GIMAP8: variants seen among roughly 807,000 people sequenced by gnomAD.
GIMAP8 encodes the protein GTPase IMAP family member 8.
Under a neutral mutation model 35.6 loss-of-function variants are expected in GIMAP8, and 29 were observed. The ratio of observed to expected loss-of-function variants is 0.81; its 90% CI spans 0.61 to 1.11. The LOEUF (loss-of-function observed/expected upper bound fraction) is 1.11. Among genes scored for constraint, GIMAP8 ranks in the 50% most tolerant of loss-of-function variants. The pLI is 0.00. For synonymous variants in GIMAP8, 335 were observed against 308.7 expected, an observed-to-expected ratio of 1.09 and a Z score of -0.89; for missense variants, 811 against 805.0, an observed-to-expected ratio of 1.01 and a Z score of -0.09.
chr7:150,474,629 A>G lies in GIMAP8; in HGVS notation c.1300A>G (p.Arg434Gly). The G allele has an allele frequency of 1.3e-6, 2 of 1,582,944 alleles. No individual in the cohort carries two copies. Among genetic ancestry groups the G allele is most frequent in the Non-Finnish European group, 1.7e-6 (2 of 1,168,562 alleles). The change falls in exon 4 of 5, where the codon AGA becomes GGA. Residue 434 changes from arginine to glycine, a missense_variant. Physicochemically the swap from Arg to Gly is moderately radical, Grantham distance 125. Coordinates refer to ENST00000307271, the MANE Select transcript of GIMAP8 (RefSeq NM_175571.4). ...HQNGNKHCVF[R>G]EKETLNIVLV... ...GAATGGGAACAAGCATTGTGTTTTCAGAGAAAAAGGTAAAACTGTGAATAG... is the reference window on the plus strand; with the variant it reads ...GAATGGGAACAAGCATTGTGTTTTCGGAGAAAAAGGTAAAACTGTGAATAG...
rs747789385 is a variant in GIMAP8 at position 150,477,447 on chromosome 7, C to G, written c.1665C>G (p.Asp555Glu). 1.2e-6 allele frequency: 2 copies of G among 1,613,654 alleles called. No homozygotes were observed. Among genetic ancestry groups the G allele is most frequent in the Middle Eastern group, 1.6e-4 (1 of 6,084 alleles). Residue 555 changes from aspartate (D) to glutamate (E), a missense_variant, in exon 5 of 5, where the codon GAC (aspartate) becomes GAG (glutamate). Asp to Glu is a conservative substitution (Grantham distance 45). Coordinates refer to ENST00000307271, the MANE Select transcript of GIMAP8 (RefSeq NM_175571.4). The stretch of plus-strand genomic sequence containing the variant: ...AACTGGAGGCCATCTTTGGAGCAGA[C>G]TTTACGAAATACGCGATTATGCTGT... ...VAKLEAIFGADFTKYAIMLFT... is the reference protein window; with the variant it reads ...VAKLEAIFGAEFTKYAIMLFT...
At chr7:150,458,465 A>G (rs911418116) in intron 1 of GIMAP8, among the ~76,000 whole-genome samples, 5 of 152,204 alleles carry the variant, frequency 3.3e-5, no homozygotes, top group Non-Finnish European at 7.3e-5. Flanking sequence ...CACTGATTTT[A>G]ATGTAAATCT....
At chr7:150,464,254 T>G (rs1478717344) in intron 1 of GIMAP8, among the ~76,000 whole-genome samples, 1 of 152,220 alleles carries the variant, frequency 6.6e-6, no homozygotes, top group Non-Finnish European at 1.5e-5. Context: ...CGATTCTTTG[T>G]AGACGGCAGA....
At chr7:150,460,745 G>A (rs1191535602) in intron 1 of GIMAP8, among the ~76,000 whole-genome samples, 2 of 152,220 alleles carry the variant, frequency 1.3e-5, no homozygotes, top group Non-Finnish European at 2.9e-5. Context: ...AGCAGGAGTA[G>A]GTATCATGGG....
intron 1 of GIMAP8, among the ~76,000 whole-genome samples, chr7:150,461,206 C>A (rs1801837637): frequency 2.0e-5 from 3 of 152,216 alleles, no homozygotes; most frequent in South Asian, 2.1e-4. Flanking sequence ...CATTGTGTAG[C>A]TGTTGGAGGA....
Position 150,478,031 on chromosome 7 carries a change from A to T in GIMAP8, c.*251A>T, listed in dbSNP as rs1802280234. ...AATCTGGAAAAAGATTTCAGACATTAGGCTGATAATAAGTGGTAGAATCAA... is the reference window on the plus strand; with the variant it reads ...AATCTGGAAAAAGATTTCAGACATTTGGCTGATAATAAGTGGTAGAATCAA... On this transcript the variant is annotated 3_prime_UTR_variant, in exon 5 of 5. Transcript: ENST00000307271. The T allele has an allele frequency of 1.9e-6, 1 of 522,830 alleles. No homozygotes were observed. The highest frequency in any genetic ancestry group is 1.9e-5 in the African/African-American group (1 of 52,840). The allele number at this position is 522,830 out of a possible 1,614,324, so 32.4% of individuals were successfully genotyped here.
chr7:150,473,762 C>T (rs137899763), intron 3 of GIMAP8, among the ~76,000 whole-genome samples: 29 of 151,892 alleles, frequency 1.9e-4, no homozygotes, highest in African/African-American at 1.9e-4. Context: ...CCTAGACCAA[C>T]GAAGGCCAAA....
chr7:150,477,433 AT>A lies in GIMAP8; in HGVS notation c.1652del (p.Ile551ThrfsTer20). 1 of 1,613,792 alleles carries A rather than the reference AT, an allele frequency of 6.2e-7. No individual in the cohort carries two copies. Among genetic ancestry groups the A allele is most frequent in the East Asian group, 2.2e-5 (1 of 44,862 alleles). ...DKTAVAKLEA[I>X]FGADFTKYAI... ...AACAGCTGTGGCGAAACTGGAGGCC[AT>A]CTTTGGAGCAGACTTTACGAAATAC... On this transcript the variant is annotated frameshift_variant, in exon 5 of 5. Transcript: ENST00000307271. LOFTEE classifies it low-confidence loss of function (END_TRUNC).
intron 1 of GIMAP8, among the ~76,000 whole-genome samples, chr7:150,459,053 G>A (rs1343046382): frequency 1.3e-5 from 2 of 152,156 alleles, no homozygotes; most frequent in African/African-American, 4.8e-5. Flanking sequence ...CTTTATCTGG[G>A]GAGGTGGAGG....
In GIMAP8 at chr7:150,477,561, G is replaced by A; in HGVS notation, c.1779G>A (p.Lys593=). The change falls in exon 5 of 5, where the codon AAG becomes AAA. Residue 593 remains lysine (K), a synonymous_variant. Coordinates refer to ENST00000307271, the MANE Select transcript of GIMAP8 (RefSeq NM_175571.4). The stretch of plus-strand genomic sequence containing the variant: ...AAGCCCTTCGGCGCATTTTTAAAAA[G>A]TGTGGGCGGCGAGTTTGTGCTTTTA... ...DNKALRRIFK[K]CGRRVCAFNN... The A allele has an allele frequency of 3.7e-6, 6 of 1,614,184 alleles. No homozygotes were observed. The East Asian group carries it at 6.7e-5, about 18-fold the overall frequency.
chr7:150,461,323 G>T (rs898903231), intron 1 of GIMAP8, among the ~76,000 whole-genome samples: 1 of 152,100 alleles, frequency 6.6e-6, no homozygotes, highest in South Asian at 2.1e-4. Context: ...GTTGAAACTG[G>T]GGTATTAAAG....
chr7:150,461,216 A>C (rs1801837976), intron 1 of GIMAP8, among the ~76,000 whole-genome samples: 1 of 152,240 alleles, frequency 6.6e-6, no homozygotes, highest in Admixed American at 6.5e-5. Flanking sequence ...CTGTTGGAGG[A>C]AATGTTCTGT....
At chr7:150,462,608 G>A (rs1240548455) in intron 1 of GIMAP8, among the ~76,000 whole-genome samples, 2 of 152,130 alleles carry the variant, frequency 1.3e-5, no homozygotes, top group East Asian at 3.8e-4. Flanking sequence ...GTGTTGCTGT[G>A]TATAGTATTC....
chr7:150,471,014 C>A, intron 3 of GIMAP8, 140 bp downstream of exon 3: 1 of 679,232 alleles, frequency 1.5e-6, no homozygotes, highest in Non-Finnish European at 2.6e-6. Context: ...TTCCCACAAG[C>A]TATCCCCTAG....
In GIMAP8 at chr7:150,470,684, C is replaced by T. The variant is rs117930998; in HGVS notation, c.637-145C>T. The T allele has an allele frequency of 4.8e-3, 2,997 of 628,238 alleles. 20 individuals carry two copies. The highest frequency in any genetic ancestry group is 6.8e-3 in the Non-Finnish European group (2,472 of 361,180). The allele number at this position is 628,238 out of a possible 1,614,324, so 38.9% of individuals were successfully genotyped here. ...CCACAAAGACCAACAAAGACCATGA[C>T]CAGGGCCTTGATTTGACCACATCTG... On this transcript the variant is annotated intron_variant, in intron 2 of 4. Transcript: ENST00000307271.
chr7:150,461,109 T>G (rs189950999), intron 1 of GIMAP8, among the ~76,000 whole-genome samples: 1 of 152,386 alleles, frequency 6.6e-6, no homozygotes, highest in East Asian at 1.9e-4. Context: ...AGCTAATAAA[T>G]TATATGCTCA....
chr7:150,466,621 C>T (rs1432772371), intron 1 of GIMAP8, 50 bp from the exon 2 acceptor site: 8 of 1,473,318 alleles, frequency 5.4e-6, no homozygotes, highest in Non-Finnish European at 7.4e-6. Context: ...GTTTTCCTGT[C>T]CACTCTGTGT....
chr7:150,466,844 G>C lies in GIMAP8; in HGVS notation c.146G>C (p.Cys49Ser). ...KFSDQTVIKM[C>S]QRESWVLRER... ...AGTGATCAGACAGTGATCAAAATGTGCCAGAGAGAGAGTTGGGTCCTGAGA... is the reference window on the plus strand; with the variant it reads ...AGTGATCAGACAGTGATCAAAATGTCCCAGAGAGAGAGTTGGGTCCTGAGA... The change falls in exon 2 of 5, where the codon TGC becomes TCC. Residue 49 changes from cysteine (C) to serine (S), a missense_variant. Physicochemically the swap from Cys to Ser is moderately radical, Grantham distance 112 (BLOSUM62 -1). Transcript: ENST00000307271. The C allele has an allele frequency of 6.2e-7, 1 of 1,614,250 alleles. No individual in the cohort carries two copies. Among genetic ancestry groups the C allele is most frequent in the Non-Finnish European group, 8.5e-7 (1 of 1,180,040 alleles).
At position 150,467,011 on chromosome 7, in the gene GIMAP8, C is replaced by T; in HGVS notation, c.313C>T (p.His105Tyr). The change falls in exon 2 of 5, where the codon CAT (histidine) becomes TAT (tyrosine). Residue 105 changes from histidine (H) to tyrosine (Y), a missense_variant. His to Tyr is a moderately conservative substitution (Grantham distance 83). Transcript: ENST00000307271. ...HALLLVIAIG[H>Y]FTREDEETAK... is the part of the protein sequence containing the mutation. ...TCTGCTCTTGGTAATTGCCATCGGC[C>T]ATTTCACAAGGGAGGATGAGGAAAC... 1 of 1,614,170 alleles carries T rather than the reference C, an allele frequency of 6.2e-7. No individual in the cohort carries two copies. Among genetic ancestry groups the T allele is most frequent in the African/African-American group, 1.3e-5 (1 of 75,036 alleles).
Sources: gnomAD v4.1 joint callset for allele counts (sites outside exome capture counted in the v4.1 genomes callset) on GRCh38, gnomAD v4.1.1 for gene constraint, MANE v1.5 for transcripts, NCBI Gene and HGNC (gene_info 2026-07-23, HGNC 2026-07-21) for gene names.